The following PHACTR2 variants were observed in gnomAD, a reference collection of about 807,000 sequenced individuals.
PHACTR2 encodes phosphatase and actin regulator 2.
PHACTR2 carries 30 observed loss-of-function variants against 76.0 expected under a neutral mutation model. The observed-to-expected ratio is 0.39, with a 90% CI of 0.30 to 0.54. The LOEUF (loss-of-function observed/expected upper bound fraction) is 0.54, where lower values mean the gene tolerates loss of function less well. Ranked by LOEUF, PHACTR2 falls within the 20% of genes least tolerant of loss-of-function variation. The probability of loss-of-function intolerance (pLI) is 0.61; values close to 1 mark genes in which losing one functional copy is unlikely to be tolerated. For missense variants in PHACTR2, 696 were observed against 781.1 expected (o/e 0.89, Z 1.30); for synonymous variants, 292 against 292.5 (o/e 1.00, Z 0.02).
At position 143,782,283 on chromosome 6, in the gene PHACTR2, AC is replaced by A. The variant is rs1775450579; in HGVS notation, c.1646-934del. 6.6e-6 allele frequency among the ~76,000 whole-genome samples: 1 copy of A among 152,198 alleles called. No homozygotes were observed. Among genetic ancestry groups the A allele is most frequent in the African/African-American group, 2.4e-5 (1 of 41,554 alleles). On this transcript the variant is annotated intron_variant, in intron 9 of 12. Coordinates refer to ENST00000440869, the MANE Select transcript of PHACTR2 (RefSeq NM_001100164.2). This position sits in a 1 kb window ranked among gnomAD's most constrained non-coding sequence, Gnocchi z 4.6. ...AAATAGAAGAAGTTTTCCTTTTTCAACCTTTTGGTCAAGGCTTTATATGGTG... is the reference window on the plus strand; with the variant it reads ...AAATAGAAGAAGTTTTCCTTTTTCAACTTTTGGTCAAGGCTTTATATGGTG...
chr6:143,785,013 C>G (rs1001490949), intron 10 of PHACTR2, among the ~76,000 whole-genome samples: 1 of 152,100 alleles, frequency 6.6e-6, no homozygotes, highest in African/African-American at 2.4e-5. Flanking sequence ...CCTGGCCCCT[C>G]CAAATCTCAT....
In PHACTR2 at chr6:143,697,946, C is replaced by CT. The variant is rs916834720; in HGVS notation, c.47-14062dup. ...TTTTCTTGCTTCTCAGAGAGGTAGT[C>CT]TTTTTTTTAACCTACTCACTTAATA... On this transcript the variant is annotated intron_variant, in intron 1 of 12. Coordinates refer to ENST00000440869, the MANE Select transcript of PHACTR2 (RefSeq NM_001100164.2). This position sits in a 1 kb window ranked among gnomAD's most constrained non-coding sequence, Gnocchi z 4.4. 1.3e-5 allele frequency among the ~76,000 whole-genome samples: 2 copies of CT among 151,826 alleles called. No homozygotes were observed. Among genetic ancestry groups the CT allele is most frequent in the African/African-American group, 2.4e-5 (1 of 41,334 alleles).
Position 143,678,163 on chromosome 6 carries a change from C to T in PHACTR2, c.-1C>T. The T allele has an allele frequency of 1.3e-6, 2 of 1,544,668 alleles. No homozygotes were observed. The highest frequency in any genetic ancestry group is 1.7e-6 in the Non-Finnish European group (2 of 1,144,422). On this transcript the variant is annotated 5_prime_UTR_variant, in exon 1 of 13. Coordinates refer to ENST00000440869, the MANE Select transcript of PHACTR2 (RefSeq NM_001100164.2). This position sits in a 1 kb window ranked among gnomAD's most constrained non-coding sequence, Gnocchi z 6.2. ...CTGGACCTGGCCCTGCGACCCCAGT[C>T]ATGGGCCAGACCTCGGTGTCCACGC...
Position 143,743,133 on chromosome 6 carries a change from C to T in PHACTR2, c.215-5852C>T, listed in dbSNP as rs896294883. ...ATAGTGAGATCTCCATGCAGAGCTA[C>T]TGTGTGAAGAGAACTTAACATTTTA... On this transcript the variant is annotated intron_variant, in intron 2 of 12. Transcript: ENST00000440869. The surrounding 1 kb of genome is among the most constrained non-coding windows in gnomAD (Gnocchi z 5.0). 4.6e-5 allele frequency among the ~76,000 whole-genome samples: 7 copies of T among 152,106 alleles called. No homozygotes were observed. Among genetic ancestry groups the T allele is most frequent in the African/African-American group, 1.4e-4 (6 of 41,404 alleles).
rs1562242324 is a variant in PHACTR2 at position 143,585,600 on chromosome 6, A to C, written c.217+48393A>C. On this transcript the variant is annotated intron_variant, in intron 1 of 11. Coordinates refer to the PHACTR2 transcript ENST00000367584. This position sits in a 1 kb window ranked among gnomAD's most constrained non-coding sequence, Gnocchi z 5.2. ...GGAGTCTGATGGTGTCATCTTGGGA[A>C]CACTGTGTTCTGAAAAAGACTAATT... is the stretch of plus-strand genomic sequence containing the variant. Among the ~76,000 whole-genome samples, 1 of 152,164 alleles carries C rather than the reference A, an allele frequency of 6.6e-6. No homozygotes were observed. Among genetic ancestry groups the C allele is most frequent in the Non-Finnish European group, 1.5e-5 (1 of 68,026 alleles).
chr6:143,758,637 A>G (rs894186844), intron 4 of PHACTR2, among the ~76,000 whole-genome samples: 14 of 152,170 alleles, frequency 9.2e-5, no homozygotes, highest in Admixed American at 2.6e-4. Context: ...AGATATATAA[A>G]CAGAAAGGCA....
In PHACTR2 at chr6:143,677,971, T is replaced by G; in HGVS notation, c.-193T>G. 7.5e-7 allele frequency: 1 copy of G among 1,340,756 alleles called. No homozygotes were observed. The highest frequency in any genetic ancestry group is 1.6e-5 in the African/African-American group (1 of 62,942). 83.1% of individuals were successfully genotyped at this position (1,340,756 alleles called of 1,614,324 possible). On this transcript the variant is annotated 5_prime_UTR_variant, in exon 1 of 13. Coordinates refer to ENST00000440869, the MANE Select transcript of PHACTR2 (RefSeq NM_001100164.2). ...GCATAGAGGAATGACAGGCATCCGCTGGGCAGGATCCGCCGCGCCGGCTGC... is the reference window on the plus strand; with the variant it reads ...GCATAGAGGAATGACAGGCATCCGCGGGGCAGGATCCGCCGCGCCGGCTGC...
rs116917725 is a variant in PHACTR2, at chr6:143,823,306, G to A, written c.1923-368G>A. 2.8e-3 allele frequency among the ~76,000 whole-genome samples: 427 copies of A among 152,264 alleles called. 2 individuals carry two copies. Among genetic ancestry groups the A allele is most frequent in the Non-Finnish European group, 4.7e-3 (321 of 68,018 alleles). ...GTTACTGTGCTTTTATAATACAGACGAGGTGTACCAAAATCCCTTTGTGAA... is the reference window on the plus strand; with the variant it reads ...GTTACTGTGCTTTTATAATACAGACAAGGTGTACCAAAATCCCTTTGTGAA... On this transcript the variant is annotated intron_variant, in intron 12 of 12. Coordinates refer to ENST00000440869, the MANE Select transcript of PHACTR2 (RefSeq NM_001100164.2). This position sits in a 1 kb window ranked among gnomAD's most constrained non-coding sequence, Gnocchi z 5.7.
intron 1 of PHACTR2, among the ~76,000 whole-genome samples, chr6:143,576,831 G>A (rs11155302): frequency 0.64 from 91,711 of 143,328 alleles, 28,615 homozygotes; most frequent in Middle Eastern, 0.77. Flanking sequence ...AGCCGAACTC[G>A]TACCACTACA....
rs1776898914 is a variant in PHACTR2, at chr6:143,658,908, T to G, written c.13+50586T>G. ...GTCAGGGTGGCATGCGCCTATAATC[T>G]CAGCTGCTCTGAGGCTGAGGCAGGA... On this transcript the variant is annotated intron_variant, in intron 1 of 11. Transcript: ENST00000305766. This position sits in a 1 kb window ranked among gnomAD's most constrained non-coding sequence, Gnocchi z 4.1. Among the ~76,000 whole-genome samples, 1 of 151,636 alleles carries G rather than the reference T, an allele frequency of 6.6e-6. No homozygotes were observed. Among genetic ancestry groups the G allele is most frequent in the Non-Finnish European group, 1.5e-5 (1 of 67,902 alleles).
At chr6:143,725,836 A>G (rs1437051512) in intron 2 of PHACTR2, among the ~76,000 whole-genome samples, 8 of 151,878 alleles carry the variant, frequency 5.3e-5, no homozygotes, top group African/African-American at 1.9e-4. Context: ...AAAAAAAAAA[A>G]GAATGTCATA....
intron 2 of PHACTR2, among the ~76,000 whole-genome samples, chr6:143,746,611 GAGCCCAGTCA>G (rs772749765): frequency 1.2e-4 from 19 of 152,124 alleles, no homozygotes; most frequent in Non-Finnish European, 2.2e-4. Context: ...CCACCCCTCA[GAGCCCAGTCA>G]AGCATGAATG....
chr6:143,771,662 C>G (rs1775147952), intron 6 of PHACTR2, among the ~76,000 whole-genome samples: 1 of 152,006 alleles, frequency 6.6e-6, no homozygotes, highest in Non-Finnish European at 1.5e-5. Context: ...GTCTTGAACT[C>G]CTAGGCTCAA....
chr6:143,693,564 C>A (rs1190092055), intron 1 of PHACTR2, among the ~76,000 whole-genome samples: 10 of 152,130 alleles, frequency 6.6e-5, no homozygotes, highest in Non-Finnish European at 1.3e-4. Flanking sequence ...TTTAAATAGG[C>A]CATTTAAGGA....
chr6:143,829,426 A>T lies in PHACTR2; in HGVS notation c.*5737A>T, dbSNP rs1384073233. The T allele has an allele frequency of 6.6e-6, 1 of 152,170 alleles. No individual in the cohort carries two copies. Among genetic ancestry groups the T allele is most frequent in the Non-Finnish European group, 1.5e-5 (1 of 68,022 alleles). The allele number at this position is 152,170 out of a possible 1,614,324, so 9.4% of individuals were successfully genotyped here. A position where few individuals can be genotyped will look rare whatever the true frequency, so the allele number is the denominator to read the frequency against. ...GCTTATCCTATTAACGAAGCATTTA[A>T]TTCACACACAAATGCTTGAATTTCC... is the stretch of plus-strand genomic sequence containing the variant. On this transcript the variant is annotated 3_prime_UTR_variant, in exon 13 of 13. Coordinates refer to ENST00000440869, the MANE Select transcript of PHACTR2 (RefSeq NM_001100164.2).
rs905912982 is a variant in PHACTR2, at chr6:143,656,426, AT to A, written c.13+48113del. ...ACTAACACTAATGATAGTGGATGAG[AT>A]TTTTTTTTAATTGCAAGAACATCTC... On this transcript the variant is annotated intron_variant, in intron 1 of 11. Coordinates refer to the PHACTR2 transcript ENST00000305766. This position sits in a 1 kb window ranked among gnomAD's most constrained non-coding sequence, Gnocchi z 5.3. 1.3e-5 allele frequency among the ~76,000 whole-genome samples: 2 copies of A among 151,880 alleles called. No individual in the cohort carries two copies. The highest frequency in any genetic ancestry group is 2.4e-5 in the African/African-American group (1 of 41,432).
chr6:143,681,767 C>T (rs1027517219), intron 1 of PHACTR2, among the ~76,000 whole-genome samples: 3 of 152,308 alleles, frequency 2.0e-5, no homozygotes, highest in South Asian at 2.1e-4. Flanking sequence ...TTATGTATGG[C>T]GTCATGTAGG....
intron 1 of PHACTR2, among the ~76,000 whole-genome samples, chr6:143,665,685 A>C (rs570274709): frequency 4.6e-5 from 7 of 152,300 alleles, no homozygotes; most frequent in African/African-American, 1.7e-4. Context: ...GGTCTAAGCC[A>C]CTATCATTTC....
Position 143,689,128 on chromosome 6 carries a change from C to G in PHACTR2, c.46+10919C>G, listed in dbSNP as rs1303198976. 6.6e-6 allele frequency among the ~76,000 whole-genome samples: 1 copy of G among 152,182 alleles called. No individual in the cohort carries two copies. Among genetic ancestry groups the G allele is most frequent in the Non-Finnish European group, 1.5e-5 (1 of 68,050 alleles). On this transcript the variant is annotated intron_variant, in intron 1 of 12. Coordinates refer to ENST00000440869, the MANE Select transcript of PHACTR2 (RefSeq NM_001100164.2). The surrounding 1 kb of genome is among the most constrained non-coding windows in gnomAD (Gnocchi z 4.4). ...CCCTTCGCTCTTCGCCAAGCTGACT[C>G]CTTGTTTCGGCTGGATCCTTGTGCT...
Sources: gnomAD v4.1 joint callset for allele counts (sites outside exome capture counted in the v4.1 genomes callset) on GRCh38, gnomAD v4.1.1 for gene constraint, Gnocchi (gnomAD v3.1) non-coding constraint, MANE v1.5 for transcripts, NCBI Gene and HGNC (gene_info 2026-07-23, HGNC 2026-07-21) for gene names.